PLXNA3: variants seen among roughly 807,000 people sequenced by gnomAD.
PLXNA3 encodes the protein plexin-A3.
PLXNA3 carries 52 observed loss-of-function variants against 118.8 expected under a neutral mutation model. The observed-to-expected ratio is 0.44, with a 90% CI of 0.35 to 0.55. The LOEUF (loss-of-function observed/expected upper bound fraction) is 0.55. Ranked by LOEUF, PLXNA3 falls within the 20% of genes least tolerant of loss-of-function variation. The pLI is 0.01. For missense variants in PLXNA3, 1,660 were observed against 1,730.8 expected (o/e 0.96, Z 0.73); for synonymous variants, 925 against 762.4 (o/e 1.21, Z -3.51).
chrX:154,464,847 G>T lies in PLXNA3; in HGVS notation c.2022G>T (p.Glu674Asp), dbSNP rs375785479. 6.7e-6 allele frequency: 8 copies of T among 1,201,412 alleles called. No individual in the cohort carries two copies. In the African/African-American group the frequency reaches 1.2e-4, roughly 18 times the overall value. Reference protein sequence around the residue: ...TSRPHECSFQEGRVHSPEGCP... With the variant: ...TSRPHECSFQDGRVHSPEGCP... Reference sequence around the variant, plus strand: ...GCCCCCACGAGTGCTCCTTCCAGGAGGGCAGGGTCCACAGCCCTGAGGTGA... The same window carrying T: ...GCCCCCACGAGTGCTCCTTCCAGGATGGCAGGGTCCACAGCCCTGAGGTGA... The change falls in exon 10 of 33, where the codon GAG becomes GAT. Residue 674 changes from glutamate to aspartate, a missense_variant. Glu to Asp is a conservative substitution (Grantham distance 45). Coordinates refer to ENST00000369682, the MANE Select transcript of PLXNA3 (RefSeq NM_017514.5).
rs1279578742 is a variant in PLXNA3, at chrX:154,475,883, T to C, written c.*3198T>C. 5 of 112,212 alleles carry C rather than the reference T, an allele frequency of 4.5e-5. No individual in the cohort carries two copies. The highest frequency in any genetic ancestry group is 1.9e-4 in the Admixed American group (2 of 10,605). The allele number at this position is 112,212 out of a possible 1,213,427, so 9.2% of individuals were successfully genotyped here. On this transcript the variant is annotated 3_prime_UTR_variant, in exon 33 of 33. Transcript: ENST00000369682. The stretch of plus-strand genomic sequence containing the variant: ...GAAGAGGAAGGGAAACAGAGCTAAA[T>C]TGGGGCCAGGTGTGGTGGCTCGCAC...
chrX:154,466,173 C>CGCT lies in PLXNA3; in HGVS notation c.2704_2706dup (p.Leu902dup). On this transcript the variant is annotated inframe_insertion, in exon 15 of 33. Transcript: ENST00000369682. The stretch of plus-strand genomic sequence containing the variant: ...AGGATCGTGTGTGAGATGGAGGAGT[C>CGCT]GCTGGTGCCCAGCCCGCCGCCGGGG... The CGCT allele has an allele frequency of 8.3e-7, 1 of 1,210,225 alleles. No individual in the cohort carries two copies. The highest frequency in any genetic ancestry group is 1.8e-5 in the South Asian group (1 of 57,001).
intron 4 of PLXNA3, among the ~76,000 whole-genome samples, chrX:154,462,843 G>A (rs1557205262): frequency 9.4e-6 from 1 of 106,924 alleles, no homozygotes; most frequent in Non-Finnish European, 1.9e-5. Flanking sequence ...GGTACGTGTT[G>A]AATAGGTAGG....
At chrX:154,469,581 C>T (rs2069150171) in intron 27 of PLXNA3, 99 bp downstream of exon 27, 11 of 924,669 alleles carry the variant, frequency 1.2e-5, no homozygotes, top group Middle Eastern at 2.8e-4. Flanking sequence ...TGGCTCCCCT[C>T]GCCCTTCTCC....
chrX:154,464,285 G>T lies in PLXNA3; in HGVS notation c.1800G>T (p.Gln600His). ...GELLCPSPSL[Q>H]ELRALTRGHG... The stretch of plus-strand genomic sequence containing the variant: ...TGCTCTGCCCCTCACCCTCCCTCCA[G>T]GAGCTCCGAGCTCTTACCAGGGGGC... The change falls in exon 8 of 33, where the codon CAG becomes CAT. Residue 600 changes from glutamine to histidine, a missense_variant. Gln to His is a conservative substitution (Grantham distance 24, BLOSUM62 0). This residue lies in a region of PLXNA3 where 791 missense variants were observed against 652.1 expected (regional missense o/e 1.21). Transcript: ENST00000369682. 8.3e-7 allele frequency: 1 copy of T among 1,208,217 alleles called. No homozygotes were observed. Among genetic ancestry groups the T allele is most frequent in the Non-Finnish European group, 1.1e-6 (1 of 894,957 alleles).
chrX:154,470,205 G>C (rs1395603290), intron 29 of PLXNA3, 38 bp downstream of exon 29: 2 of 1,172,997 alleles, frequency 1.7e-6, no homozygotes, highest in African/African-American at 3.5e-5. Context: ...CCTCCGCCCA[G>C]AGGTTGTCCC....
rs782042231 is a variant in PLXNA3, at chrX:154,460,561, C to T, written c.378C>T (p.Asp126=). 85 of 1,208,123 alleles carry T rather than the reference C, an allele frequency of 7.0e-5. No individual in the cohort carries two copies. Among genetic ancestry groups the T allele is most frequent in the Admixed American group, 3.3e-4 (15 of 45,785 alleles). ...WQGICQFLRL[D]DLFKLGEPHH... ...GCATCTGCCAGTTCCTGCGTCTGGA[C>T]GACCTCTTCAAGCTGGGTGAGCCGC... Residue 126 remains aspartate, a synonymous_variant, in exon 2 of 33, where the codon GAC becomes GAT. Coordinates refer to ENST00000369682, the MANE Select transcript of PLXNA3 (RefSeq NM_017514.5).
chrX:154,464,893 G>A, intron 10 of PLXNA3, 25 bp downstream of exon 10: 1 of 1,125,564 alleles, frequency 8.9e-7, no homozygotes, highest in Non-Finnish European at 1.2e-6. Context: ...GCATGTGAGG[G>A]GCTGGGCTCT....
At position 154,469,228 on chromosome X, in the gene PLXNA3, C is replaced by T; in HGVS notation, c.4594+13C>T. 7 of 1,204,049 alleles carry T rather than the reference C, an allele frequency of 5.8e-6. No homozygotes were observed. Among genetic ancestry groups the T allele is most frequent in the Non-Finnish European group, 7.9e-6 (7 of 890,024 alleles). ...GACATGGACCTGGGTGAGGTCCCCA[C>T]CCTCTCCTCCTGGCTCCCACTCATA... On this transcript the variant is annotated intron_variant, in intron 26 of 32. Transcript: ENST00000369682.
chrX:154,469,827 C>T, intron 28 of PLXNA3, 43 bp downstream of exon 28: 1 of 1,140,279 alleles, frequency 8.8e-7, no homozygotes, highest in African/African-American at 1.8e-5. Flanking sequence ...TTCGAGGGAA[C>T]CCCCACTTCC....
rs1474034633 is a variant in PLXNA3 at position 154,461,128 on chromosome X, G to C, written c.624G>C (p.Gln208His). ...LVYQDEFVSS[Q>H]IKIPSDTLSL... ...ACCAGGATGAGTTTGTGTCCTCCCAGATCAAGATCCCCTCAGACACGCTGT... is the reference window on the plus strand; with the variant it reads ...ACCAGGATGAGTTTGTGTCCTCCCACATCAAGATCCCCTCAGACACGCTGT... Residue 208 changes from glutamine (Q) to histidine (H), a missense_variant, in exon 3 of 33, where the codon CAG becomes CAC. By Grantham distance (24) the Gln-to-His change is conservative. Transcript: ENST00000369682. 3.3e-6 allele frequency: 4 copies of C among 1,204,631 alleles called. No individual in the cohort carries two copies. The highest frequency in any genetic ancestry group is 4.4e-5 in the Admixed American group (2 of 45,770).
intron 4 of PLXNA3, 102 bp downstream of exon 4, chrX:154,462,412 G>A: frequency 3.2e-6 from 2 of 623,953 alleles, no homozygotes; most frequent in Non-Finnish European, 4.5e-6. Context: ...GGACAGGAGA[G>A]GACACGGCTG....
chrX:154,464,178 G>A lies in PLXNA3; in HGVS notation c.1693G>A (p.Val565Met), dbSNP rs782421628. 27 of 1,208,831 alleles carry A rather than the reference G, an allele frequency of 2.2e-5. No individual in the cohort carries two copies. Among genetic ancestry groups the A allele is most frequent in the East Asian group, 1.8e-4 (6 of 33,725 alleles). The stretch of plus-strand genomic sequence containing the variant: ...CCAGCTGACCGTCACCCTGCACAAC[G>A]TGCCAGACCTCAGTGCGGGCGTGAG... ...GVQLTVTLHN[V>M]PDLSAGVSCA... Residue 565 changes from valine to methionine, a missense_variant, in exon 8 of 33, where the codon GTG becomes ATG. Coordinates refer to ENST00000369682, the MANE Select transcript of PLXNA3 (RefSeq NM_017514.5).
rs782594539 is a variant in PLXNA3 at position 154,467,932 on chromosome X, C to T, written c.3751C>T (p.Arg1251Cys). The change falls in exon 21 of 33, where the codon CGT (arginine) becomes TGT (cysteine). Residue 1251 changes from arginine (R) to cysteine (C), a missense_variant. By Grantham distance (180) the Arg-to-Cys change is radical (BLOSUM62 -3). This residue lies in a region of PLXNA3 where 869 missense variants were observed against 1,078.7 expected (regional missense o/e 0.81). Transcript: ENST00000369682. ...CAAGCGCAAGACTCAGGACGCGGAC[C>T]GTACCCTCAAGCGTCTGCAGCTGCA... is the stretch of plus-strand genomic sequence containing the variant. Reference protein sequence around the residue: ...AYKRKTQDADRTLKRLQLQMD... With the variant: ...AYKRKTQDADCTLKRLQLQMD... 3.3e-6 allele frequency: 4 copies of T among 1,209,102 alleles called. No homozygotes were observed. Among genetic ancestry groups the T allele is most frequent in the African/African-American group, 3.5e-5 (2 of 57,170 alleles).
intron 4 of PLXNA3, 31 bp from the exon 5 acceptor site, chrX:154,463,360 G>A: frequency 8.3e-7 from 1 of 1,210,618 alleles, no homozygotes; most frequent in Non-Finnish European, 1.1e-6. Flanking sequence ...GCAGGAGGCT[G>A]TGGTGGCATC....
rs782157725 is a variant in PLXNA3, at chrX:154,469,115, C to T, written c.4494C>T (p.Leu1498=). 8.3e-6 allele frequency: 10 copies of T among 1,211,044 alleles called. No homozygotes were observed. Among genetic ancestry groups the T allele is most frequent in the Middle Eastern group, 4.6e-4 (2 of 4,350 alleles). ...GCGCCCAGGTCCCAGTGAAGGTTCT[C>T]AACTGTGACAGCATCACCCAGGCCA... ...EGSAQVPVKV[L]NCDSITQAKD... Residue 1498 remains leucine (L), a synonymous_variant, in exon 26 of 33, where the codon CTC becomes CTT. Transcript: ENST00000369682.
Position 154,470,238 on chromosome X carries a change from G to A in PLXNA3, c.4986+71G>A, listed in dbSNP as rs2148255866. 6.5e-6 allele frequency: 7 copies of A among 1,073,540 alleles called. No individual in the cohort carries two copies. In the East Asian group the frequency reaches 2.2e-4, roughly 33 times the overall value. The allele number at this position is 1,073,540 out of a possible 1,213,427, so 88.5% of individuals were successfully genotyped here. ...CCCGGCCTTACAGGGGAGGGGCCAT[G>A]GATCATTTGCTTCCAGTGGGCCTTT... On this transcript the variant is annotated intron_variant, in intron 29 of 32. Coordinates refer to ENST00000369682, the MANE Select transcript of PLXNA3 (RefSeq NM_017514.5).
chrX:154,469,325 G>A, intron 26 of PLXNA3, 54 bp from the exon 27 acceptor site: 2 of 1,160,278 alleles, frequency 1.7e-6, no homozygotes, highest in Admixed American at 2.2e-5. Context: ...AGAGGAGTGG[G>A]CCAGGCACTT....
At position 154,467,821 on chromosome X, in the gene PLXNA3, C is replaced by G. The variant is rs782762047; in HGVS notation, c.3640C>G (p.Arg1214Gly). 4.2e-6 allele frequency: 5 copies of G among 1,204,690 alleles called. No homozygotes were observed. In the Admixed American group the frequency reaches 1.1e-4, roughly 26 times the overall value. Residue 1214 changes from arginine to glycine, a missense_variant, in exon 21 of 33, where the codon CGG becomes GGG. Physicochemically the swap from Arg to Gly is moderately radical, Grantham distance 125. Around this residue, in one of 2 missense-constraint regions of PLXNA3, gnomAD observed 869 missense variants for 1,078.7 expected, o/e 0.81. Transcript: ENST00000369682. ...GGGCACCCTGCACATCTCGGCAGAGCGGGCGCTGACCCTACCGGCCATGAT... is the reference window on the plus strand; with the variant it reads ...GGGCACCCTGCACATCTCGGCAGAGGGGGCGCTGACCCTACCGGCCATGAT... ...WLGTLHISAE[R>G]ALTLPAMMGL... is the part of the protein sequence containing the mutation.
Sources: gnomAD v4.1 joint callset for allele counts (sites outside exome capture counted in the v4.1 genomes callset) on GRCh38, gnomAD v4.1.1 for gene constraint, gnomAD v4.1.1 regional missense constraint, MANE v1.5 for transcripts, NCBI Gene and HGNC (gene_info 2026-07-23, HGNC 2026-07-21) for gene names.